The following EPHB2 variants were observed in gnomAD, a reference collection of about 807,000 sequenced individuals.
The protein encoded by EPHB2 is EPH receptor B2.
Under a neutral mutation model 96.4 loss-of-function variants are expected in EPHB2, and 18 were observed. That is an observed-to-expected ratio of 0.19 (90% CI 0.13 to 0.28). The LOEUF is 0.28. Ranked by LOEUF, EPHB2 falls within the 10% of genes least tolerant of loss-of-function variation. The pLI is 1.00. For missense variants in EPHB2, 989 were observed against 1,355.4 expected (o/e 0.73, Z 4.25); for synonymous variants, 506 against 534.1 (o/e 0.95, Z 0.72).
Position 22,913,866 on chromosome 1 carries a change from G to A in EPHB2, c.*296G>A, listed in dbSNP as rs918936702. 3.1e-6 allele frequency: 5 copies of A among 1,596,352 alleles called. No homozygotes were observed. The highest frequency in any genetic ancestry group is 3.4e-6 in the Non-Finnish European group (4 of 1,173,162). ...GAAAGCAATGACTGTTCTTGCGGGG[G>A]ATAAAAAAGGGCTTGGGAGATTCAT... On this transcript the variant is annotated 3_prime_UTR_variant, in exon 16 of 16. Transcript: ENST00000374630. This position sits in a 1 kb window ranked among gnomAD's most constrained non-coding sequence, Gnocchi z 4.1.
intron 3 of EPHB2, 88 bp from the exon 4 acceptor site, chr1:22,862,949 G>T: frequency 6.4e-7 from 1 of 1,560,230 alleles, no homozygotes; most frequent in Non-Finnish European, 8.8e-7. Flanking sequence ...CCGCGAGGCT[G>T]TGTGGCCCCT....
In EPHB2 at chr1:22,915,018, C is replaced by G. The variant is rs1640229660; in HGVS notation, c.*1448C>G. Reference sequence around the variant, plus strand: ...TCAGATGGTCAAAACCCAGTTTTCCCTCTGGGAGCCTAAACCAGGCTGCAT... The same window carrying G: ...TCAGATGGTCAAAACCCAGTTTTCCGTCTGGGAGCCTAAACCAGGCTGCAT... On this transcript the variant is annotated 3_prime_UTR_variant, in exon 16 of 16. Transcript: ENST00000374630. The G allele has an allele frequency of 6.6e-6, 1 of 152,670 alleles. No individual in the cohort carries two copies. Among genetic ancestry groups the G allele is most frequent in the East Asian group, 1.9e-4 (1 of 5,172 alleles). The allele number at this position is 152,670 out of a possible 1,614,324, so 9.5% of individuals were successfully genotyped here.
At chr1:22,762,000 A>G (rs1340233455) in intron 1 of EPHB2, among the ~76,000 whole-genome samples, 3 of 152,348 alleles carry the variant, frequency 2.0e-5, no homozygotes, top group Admixed American at 2.0e-4. Context: ...GTTTTCCAAT[A>G]AAAGAAAATG....
chr1:22,898,216 A>T (rs1326545537), intron 9 of EPHB2, among the ~76,000 whole-genome samples: 1 of 152,158 alleles, frequency 6.6e-6, no homozygotes, highest in East Asian at 1.9e-4. Context: ...TTTGAAGATG[A>T]AAGTGCTATA....
chr1:22,725,074 C>T (rs142300927), intron 1 of EPHB2, among the ~76,000 whole-genome samples: 259 of 152,292 alleles, frequency 1.7e-3, no homozygotes, highest in Admixed American at 4.2e-3. Flanking sequence ...TCACCTTGCA[C>T]GCAGCCCTTT....
In EPHB2 at chr1:22,895,628, T is replaced by TTC. The variant is rs61286018; in HGVS notation, c.1700+58_1700+59dup. On this transcript the variant is annotated intron_variant, in intron 8 of 15. Coordinates refer to ENST00000374630, the MANE Select transcript of EPHB2 (RefSeq NM_017449.5). ...GCCAGGCCTGGCTGTCCCAGATGGC[T>TTC]TCTCTCTCTCTATTCAGTCATCCCT... 19,185 of 1,531,896 alleles carry TTC rather than the reference T, an allele frequency of 0.013. 1,705 individuals carry two copies. The African/African-American group carries it at 0.21, about 17-fold the overall frequency. 94.9% of individuals were successfully genotyped at this position (1,531,896 alleles called of 1,614,324 possible). A position where few individuals can be genotyped will look rare whatever the true frequency, so the allele number is the denominator to read the frequency against.
chr1:22,908,109 T>G lies in EPHB2; in HGVS notation c.2293T>G (p.Phe765Val), dbSNP rs1299870308. Residue 765 changes from phenylalanine to valine, a missense_variant, in exon 12 of 16, where the codon TTT becomes GTT. Transcript: ENST00000374630. ...NSNLVCKVSD[F>V]GLSRFLEDDT... The stretch of plus-strand genomic sequence containing the variant: ...CAACCTGGTCTGCAAGGTGTCGGAC[T>G]TTGGGCTCTCACGCTTTCTAGAGGA... The G allele has an allele frequency of 6.2e-7, 1 of 1,614,214 alleles. No homozygotes were observed. Among genetic ancestry groups the G allele is most frequent in the East Asian group, 2.2e-5 (1 of 44,886 alleles).
At chr1:22,804,369 C>T (rs1403199222) in intron 3 of EPHB2, among the ~76,000 whole-genome samples, 1 of 152,166 alleles carries the variant, frequency 6.6e-6, no homozygotes, top group Non-Finnish European at 1.5e-5. Flanking sequence ...CACCACCCCC[C>T]ATCCTGCCAG....
chr1:22,896,302 T>C (rs1252708759), intron 8 of EPHB2, 112 bp from the exon 9 acceptor site: 5 of 1,386,488 alleles, frequency 3.6e-6, no homozygotes, highest in East Asian at 2.3e-5. Context: ...GGGAGCCCTC[T>C]GGCAGGGGTG....
At chr1:22,820,493 T>A (rs1645137768) in intron 3 of EPHB2, among the ~76,000 whole-genome samples, 1 of 152,112 alleles carries the variant, frequency 6.6e-6, no homozygotes, top group Non-Finnish European at 1.5e-5. Flanking sequence ...AGACCCCATC[T>A]CTACACAAAA....
chr1:22,759,183 A>G (rs142883825), intron 1 of EPHB2, among the ~76,000 whole-genome samples: 246 of 152,202 alleles, frequency 1.6e-3, no homozygotes, highest in African/African-American at 5.4e-3. Context: ...CTCACCTGCC[A>G]TGAAGCTTGA....
Position 22,913,776 on chromosome 1 carries a change from A to G in EPHB2, c.*206A>G, listed in dbSNP as rs1184855993. 6.2e-7 allele frequency: 1 copy of G among 1,608,412 alleles called. No individual in the cohort carries two copies. The highest frequency in any genetic ancestry group is 8.5e-7 in the Non-Finnish European group (1 of 1,177,246). On this transcript the variant is annotated 3_prime_UTR_variant, in exon 16 of 16. Transcript: ENST00000374630. The surrounding 1 kb of genome is among the most constrained non-coding windows in gnomAD (Gnocchi z 4.1). ...GGAAAAAAAAAGGGAATGGGAAAAA[A>G]GAAAACAGATCCTGGGAGGGGGCGG... is the stretch of plus-strand genomic sequence containing the variant.
chr1:22,839,300 C>A (rs1323581158), intron 3 of EPHB2, among the ~76,000 whole-genome samples: 1 of 152,220 alleles, frequency 6.6e-6, no homozygotes, highest in East Asian at 1.9e-4. Flanking sequence ...AAATCCTAAC[C>A]CTGGACTTGC....
At chr1:22,751,646 C>T (rs76099856) in intron 1 of EPHB2, among the ~76,000 whole-genome samples, 1,662 of 152,256 alleles carry the variant, frequency 0.011, 15 homozygotes, top group Non-Finnish European at 0.018. Context: ...CTGGTTCTGC[C>T]GTATACCCAC....
At chr1:22,777,466 G>T (rs1644468605) in intron 1 of EPHB2, among the ~76,000 whole-genome samples, 1 of 152,182 alleles carries the variant, frequency 6.6e-6, no homozygotes, top group South Asian at 2.1e-4. Context: ...GAGACGTCTG[G>T]TGTGTTACAG....
In EPHB2 at chr1:22,781,414, C is replaced by G; in HGVS notation, c.62-7C>G. 1 of 1,613,954 alleles carries G rather than the reference C, an allele frequency of 6.2e-7. No individual in the cohort carries two copies. Among genetic ancestry groups the G allele is most frequent in the Non-Finnish European group, 8.5e-7 (1 of 1,179,930 alleles). Reference sequence around the variant, plus strand: ...GGCGGGGTGGTGACTCTTTGCTCTCCCCACAGAAACGCTAATGGACTCCAC... The same window carrying G: ...GGCGGGGTGGTGACTCTTTGCTCTCGCCACAGAAACGCTAATGGACTCCAC... On this transcript the variant is annotated splice_region_variant and splice_polypyrimidine_tract_variant and intron_variant, in intron 1 of 15. Coordinates refer to ENST00000374630, the MANE Select transcript of EPHB2 (RefSeq NM_017449.5).
chr1:22,805,764 G>A (rs150078445), intron 3 of EPHB2, among the ~76,000 whole-genome samples: 2 of 152,324 alleles, frequency 1.3e-5, no homozygotes, highest in East Asian at 3.9e-4. Context: ...GGGAGAGGGA[G>A]CTCACTAGCG....
intron 9 of EPHB2, among the ~76,000 whole-genome samples, chr1:22,904,239 G>A (rs1186385218): frequency 1.3e-5 from 2 of 151,154 alleles, no homozygotes; most frequent in Non-Finnish European, 2.9e-5. Flanking sequence ...GTTGCAGTGA[G>A]CTGAGATTGT....
intron 9 of EPHB2, among the ~76,000 whole-genome samples, chr1:22,901,482 T>C (rs1639745424): frequency 6.6e-6 from 1 of 152,194 alleles, no homozygotes; most frequent in Non-Finnish European, 1.5e-5. Flanking sequence ...TCTTCCCTCC[T>C]TGTGAATTTC....
Sources: allele counts gnomAD v4.1 joint callset (sites outside exome capture counted in the v4.1 genomes callset), GRCh38; gene constraint gnomAD v4.1.1; non-coding constraint Gnocchi (gnomAD v3.1); transcripts MANE v1.5; gene names NCBI Gene and HGNC (gene_info 2026-07-23, HGNC 2026-07-21).